Variants in TDRKH observed in about 807,000 individuals in gnomAD.
The protein encoded by TDRKH is tudor and KH domain containing, also known as tudor and KH domain-containing protein.
In TDRKH, 28 loss-of-function variants were observed where a neutral mutation model predicts 61.3. The observed-to-expected ratio is 0.46, with a 90% CI of 0.34 to 0.63. TDRKH has a LOEUF of 0.63. Among genes scored for constraint, TDRKH ranks in the 20% least tolerant of loss-of-function variants. TDRKH has a pLI of 0.01. For missense variants in TDRKH, 540 were observed against 683.4 expected, an observed-to-expected ratio of 0.79 and a Z score of 2.34; for synonymous variants, 219 against 244.4, an observed-to-expected ratio of 0.90 and a Z score of 0.97.
In TDRKH at chr1:151,774,048, C is replaced by T. The variant is rs1623480; in HGVS notation, c.*404G>A. 3 of 181,434 alleles carry T rather than the reference C, an allele frequency of 1.7e-5. No homozygotes were observed. Among genetic ancestry groups the T allele is most frequent in the African/African-American group, 7.2e-5 (3 of 41,710 alleles). 11.2% of individuals were successfully genotyped at this position (181,434 alleles called of 1,614,324 possible). On this transcript the variant is annotated 3_prime_UTR_variant, in exon 13 of 13. Coordinates refer to ENST00000368824, the MANE Select transcript of TDRKH (RefSeq NM_001083965.2). ...AACACTGGAGGGTTGGGGAGGGATCCGGAGGTGGAATGGGGGAGACACACT... is the reference window on the plus strand; with the variant it reads ...AACACTGGAGGGTTGGGGAGGGATCTGGAGGTGGAATGGGGGAGACACACT...
downstream of TDRKH, chr1:151,767,607 G>A (rs1185734761): frequency 1.2e-5 from 4 of 344,984 alleles, no homozygotes; most frequent in Non-Finnish European, 2.0e-5. Flanking sequence ...TGCTAAGCAG[G>A]ATCTGGAATC....
chr1:151,783,053 A>T lies in TDRKH; in HGVS notation c.-27-4T>A. ...GCTGTACTCTTTGACTTATATCCTGAAACAAGCAAAGCAGGGAAAAGAGGG... is the reference window on the plus strand; with the variant it reads ...GCTGTACTCTTTGACTTATATCCTGTAACAAGCAAAGCAGGGAAAAGAGGG... On this transcript the variant is annotated splice_polypyrimidine_tract_variant and splice_region_variant and intron_variant, in intron 1 of 12. Coordinates refer to ENST00000368824, the MANE Select transcript of TDRKH (RefSeq NM_001083965.2). 6.2e-7 allele frequency: 1 copy of T among 1,605,644 alleles called. No individual in the cohort carries two copies. Among genetic ancestry groups the T allele is most frequent in the Non-Finnish European group, 8.5e-7 (1 of 1,176,454 alleles).
chr1:151,771,155 A>G, downstream of TDRKH: 1 of 1,613,750 alleles, frequency 6.2e-7, no homozygotes, highest in African/African-American at 1.3e-5. Flanking sequence ...CCCTTGGACA[A>G]TGTCATCTTT....
chr1:151,770,231 A>G (rs1648620568), downstream of TDRKH: 2 of 1,613,802 alleles, frequency 1.2e-6, no homozygotes, highest in Non-Finnish European at 1.7e-6. Flanking sequence ...GTGTTTGTGA[A>G]CTTCCAGAAT....
downstream of TDRKH, chr1:151,771,904 A>G (rs1648726387): frequency 5.0e-6 from 2 of 398,630 alleles, no homozygotes; most frequent in South Asian, 1.3e-4. Context: ...GGGAACCTCT[A>G]AAGAGTAAAG....
At chr1:151,777,479 T>C (rs755628072) in intron 6 of TDRKH, among the ~76,000 whole-genome samples, 5 of 152,242 alleles carry the variant, frequency 3.3e-5, no homozygotes, top group Non-Finnish European at 7.4e-5. Context: ...AACAATATCA[T>C]GTAAATCCAA....
At chr1:151,771,410 A>T (rs1648700178), downstream of TDRKH, 1 of 1,294,890 alleles carries the variant, frequency 7.7e-7, no homozygotes, top group Non-Finnish European at 9.9e-7. Context: ...AGCTAAATTC[A>T]CTGAAAAGAT....
In TDRKH at chr1:151,774,739, G is replaced by A; in HGVS notation, c.1604C>T (p.Thr535Ile). 1 of 1,614,194 alleles carries A rather than the reference G, an allele frequency of 6.2e-7. No individual in the cohort carries two copies. Among genetic ancestry groups the A allele is most frequent in the South Asian group, 1.1e-5 (1 of 91,084 alleles). ...TETKKSSGEI[T>I]HTLSCLSLSE... ...TAAGCTGAGGCAGGACAGGGTATGT[G>A]TTATCTCTCCAGAGCTCTTTTTGGT... is the stretch of plus-strand genomic sequence containing the variant. The change falls in exon 12 of 13, where the codon ACA (threonine) becomes ATA (isoleucine). Residue 535 changes from threonine (T) to isoleucine (I), a missense_variant. Coordinates refer to ENST00000368824, the MANE Select transcript of TDRKH (RefSeq NM_001083965.2).
chr1:151,771,822 T>C, downstream of TDRKH: 1 of 397,728 alleles, frequency 2.5e-6, no homozygotes, highest in Non-Finnish European at 4.4e-6. Flanking sequence ...TTATACATAG[T>C]AACAAACTGC....
chr1:151,774,939 T>C lies in TDRKH; in HGVS notation c.1536+126A>G, dbSNP rs920269508. 4.2e-5 allele frequency: 56 copies of C among 1,347,398 alleles called. 1 individual carries two copies. In the African/African-American group the frequency reaches 6.5e-4, roughly 16 times the overall value. The allele number at this position is 1,347,398 out of a possible 1,614,324, so 83.5% of individuals were successfully genotyped here. On this transcript the variant is annotated intron_variant, in intron 11 of 12. Coordinates refer to ENST00000368824, the MANE Select transcript of TDRKH (RefSeq NM_001083965.2). ...CTACCAAGAGGGACAAAATGCTCCT[T>C]TGGTCAACTACTGGAGGAGCTCAAA... is the stretch of plus-strand genomic sequence containing the variant.
chr1:151,782,742 G>T, intron 2 of TDRKH, 157 bp downstream of exon 2: 2 of 896,824 alleles, frequency 2.2e-6, no homozygotes, highest in Non-Finnish European at 3.1e-6. Flanking sequence ...TGTACGCCAG[G>T]CTAGGTGACA....
At chr1:151,775,262 C>T in intron 10 of TDRKH, 96 bp from the exon 11 acceptor site, 1 of 1,558,300 alleles carries the variant, frequency 6.4e-7, no homozygotes. Flanking sequence ...AAAGACATTC[C>T]TTTGGTGAGA....
chr1:151,785,908 C>T (rs571659029), intron 1 of TDRKH, among the ~76,000 whole-genome samples: 43 of 152,156 alleles, frequency 2.8e-4, no homozygotes, highest in African/African-American at 1.0e-3. Flanking sequence ...CCAGATATTA[C>T]AATCTAGTAG....
rs958131089 is a variant in TDRKH at position 151,774,315 on chromosome 1, A to G, written c.*137T>C. ...CAGGAAAGCAGCTGCAGAGAAGTAT[A>G]TTAAGACAGGGCATGGGAAAGAGGG... On this transcript the variant is annotated 3_prime_UTR_variant, in exon 13 of 13. Coordinates refer to ENST00000368824, the MANE Select transcript of TDRKH (RefSeq NM_001083965.2). 2 of 831,654 alleles carry G rather than the reference A, an allele frequency of 2.4e-6. No homozygotes were observed. The highest frequency in any genetic ancestry group is 3.5e-5 in the African/African-American group (2 of 57,770). The allele number at this position is 831,654 out of a possible 1,614,324, so 51.5% of individuals were successfully genotyped here. A position where few individuals can be genotyped will look rare whatever the true frequency, so the allele number is the denominator to read the frequency against.
chr1:151,775,212 G>A (rs1649041099), intron 10 of TDRKH, 46 bp from the exon 11 acceptor site: 2 of 1,604,992 alleles, frequency 1.2e-6, no homozygotes, highest in Non-Finnish European at 1.7e-6. Context: ...CAGTAAGCAA[G>A]GGCAAATTTG....
At chr1:151,782,646 C>T (rs1649941667) in intron 2 of TDRKH, 1 of 242,652 alleles carries the variant, frequency 4.1e-6, no homozygotes, top group Non-Finnish European at 7.8e-6. Flanking sequence ...AAATACAGGC[C>T]TGTGGTCCCA....
At chr1:151,770,965 C>T, downstream of TDRKH, 2 of 1,434,466 alleles carry the variant, frequency 1.4e-6, no homozygotes, top group East Asian at 2.5e-5. Context: ...TCCTATATGC[C>T]TGCACTACAC....
chr1:151,770,279 T>G, downstream of TDRKH: 1 of 1,608,716 alleles, frequency 6.2e-7, no homozygotes, highest in Non-Finnish European at 8.5e-7. Context: ...CTGTTCTTCC[T>G]TGCTTTTCGC....
chr1:151,768,038 C>G (rs1205327587), downstream of TDRKH: 1 of 1,613,614 alleles, frequency 6.2e-7, no homozygotes. Context: ...ACTAGAGGAG[C>G]ATTTTTACTC....
Sources: allele counts gnomAD v4.1 joint callset (sites outside exome capture counted in the v4.1 genomes callset), GRCh38; gene constraint gnomAD v4.1.1; transcripts MANE v1.5; gene names NCBI Gene and HGNC (gene_info 2026-07-23, HGNC 2026-07-21).